BBX: variants seen among roughly 807,000 people sequenced by gnomAD.
BBX encodes the protein BBX high mobility group box domain containing, also known as HMG box transcription factor BBX.
BBX carries 30 observed loss-of-function variants against 100.2 expected under a neutral mutation model. The ratio of observed to expected loss-of-function variants is 0.30; its 90% confidence interval spans 0.22 to 0.41. The LOEUF is 0.41. BBX is among the 10% of genes least tolerant of loss of function. The probability of loss-of-function intolerance (pLI) is 1.00; values close to 1 mark genes in which losing one functional copy is unlikely to be tolerated. For missense variants in BBX, 1,023 were observed against 1,129.8 expected (o/e 0.91, Z 1.35); for synonymous variants, 376 against 388.1 (o/e 0.97, Z 0.37).
intron 3 of BBX, among the ~76,000 whole-genome samples, chr3:107,708,918 G>C (rs1006297396): frequency 6.6e-6 from 1 of 151,970 alleles, no homozygotes. Flanking sequence ...GCTGTTTATT[G>C]ATATATTTGT....
intron 8 of BBX, among the ~76,000 whole-genome samples, chr3:107,745,359 C>A (rs939409516): frequency 6.6e-6 from 1 of 152,186 alleles, no homozygotes; most frequent in African/African-American, 2.4e-5. Context: ...CCTGGTCTTT[C>A]CTTGATCATT....
At chr3:107,620,941 TG>T (rs2055705536) in intron 2 of BBX, among the ~76,000 whole-genome samples, 1 of 51,768 alleles carries the variant, frequency 1.9e-5, no homozygotes, top group African/African-American at 5.3e-5. Flanking sequence ...GGAGTGTGTG[TG>T]TGGGGGGGTG....
chr3:107,747,287 AG>A (rs1463934306), intron 8 of BBX, among the ~76,000 whole-genome samples: 1 of 152,146 alleles, frequency 6.6e-6, no homozygotes, highest in African/African-American at 2.4e-5. Context: ...CTATGAAAGA[AG>A]AAAATGCTTT....
At chr3:107,558,747 C>G (rs1224016867) in intron 2 of BBX, among the ~76,000 whole-genome samples, 1 of 152,130 alleles carries the variant, frequency 6.6e-6, no homozygotes, top group Non-Finnish European at 1.5e-5. Flanking sequence ...GCTTAAAGTT[C>G]CACAGCTAGT....
chr3:107,558,163 G>A (rs756800964), intron 2 of BBX, among the ~76,000 whole-genome samples: 1 of 152,194 alleles, frequency 6.6e-6, no homozygotes, highest in Admixed American at 6.5e-5. Context: ...GCTTTGGAGT[G>A]TGAATGGCAC....
chr3:107,647,625 T>C (rs1304954304), intron 3 of BBX, among the ~76,000 whole-genome samples: 8 of 152,184 alleles, frequency 5.3e-5, no homozygotes, highest in Non-Finnish European at 1.2e-4. Context: ...CCAGGAGTAA[T>C]TGAGGAAACA....
chr3:107,661,393 T>A (rs2058437070), intron 3 of BBX, among the ~76,000 whole-genome samples: 1 of 152,180 alleles, frequency 6.6e-6, no homozygotes, highest in African/African-American at 2.4e-5. Flanking sequence ...CAAGTCACAT[T>A]ACCTCTCTGA....
intron 7 of BBX, among the ~76,000 whole-genome samples, chr3:107,737,890 T>TG (rs2063754444): frequency 7.7e-6 from 1 of 130,416 alleles, no homozygotes; most frequent in Non-Finnish European, 1.7e-5. Flanking sequence ...TCCAGTTTTT[T>TG]TTTTTTTTTT....
At chr3:107,614,292 A>G (rs992531749) in intron 2 of BBX, among the ~76,000 whole-genome samples, 2 of 152,108 alleles carry the variant, frequency 1.3e-5, no homozygotes, top group Non-Finnish European at 2.9e-5. Flanking sequence ...ACCTCTAAAA[A>G]TTTTGTATAT....
chr3:107,733,629 C>T (rs570901397), intron 7 of BBX, among the ~76,000 whole-genome samples: 1 of 152,064 alleles, frequency 6.6e-6, no homozygotes, highest in East Asian at 1.9e-4. Context: ...GGCATGTGCC[C>T]CCAAGCCCAG....
At chr3:107,563,395 A>G (rs1427243185) in intron 2 of BBX, among the ~76,000 whole-genome samples, 1 of 152,098 alleles carries the variant, frequency 6.6e-6, no homozygotes. Flanking sequence ...CAAAGCCTGC[A>G]TTTCTTTTTA....
At chr3:107,638,778 TATAC>T (rs1159574488) in intron 2 of BBX, among the ~76,000 whole-genome samples, 29 of 21,626 alleles carry the variant, frequency 1.3e-3, no homozygotes, top group Non-Finnish European at 2.1e-3. Context: ...AAAAAAAAAG[TATAC>T]ACACACACAC....
chr3:107,624,332 GT>G (rs907230367), intron 2 of BBX, among the ~76,000 whole-genome samples: 2 of 151,396 alleles, frequency 1.3e-5, no homozygotes, highest in Non-Finnish European at 1.5e-5. Context: ...CATCAGCCTT[GT>G]TTTTTTTGTG....
At chr3:107,774,421 C>T (rs970894789) in intron 11 of BBX, among the ~76,000 whole-genome samples, 10 of 152,230 alleles carry the variant, frequency 6.6e-5, no homozygotes, top group Non-Finnish European at 1.3e-4. Flanking sequence ...GCAAAGGACT[C>T]CCATACCTTG....
chr3:107,732,885 A>G (rs563137476), intron 6 of BBX, 71 bp from the exon 7 acceptor site: 3 of 1,266,324 alleles, frequency 2.4e-6, no homozygotes, highest in African/African-American at 3.0e-5. Context: ...CTTTATGAGT[A>G]TTCTTTTTGA....
At chr3:107,596,985 T>C (rs2053708750) in intron 2 of BBX, among the ~76,000 whole-genome samples, 1 of 152,218 alleles carries the variant, frequency 6.6e-6, no homozygotes. Context: ...TTTAAACTTT[T>C]TTACTCCTGT....
intron 2 of BBX, among the ~76,000 whole-genome samples, chr3:107,575,649 A>G (rs1683482714): frequency 6.6e-6 from 1 of 150,402 alleles, no homozygotes. Context: ...TATAGTTTCC[A>G]TGGCTGAATT....
chr3:107,720,634 A>G (rs1310478881), intron 5 of BBX, among the ~76,000 whole-genome samples: 1 of 152,066 alleles, frequency 6.6e-6, no homozygotes, highest in Admixed American at 6.6e-5. Flanking sequence ...GTATGCCAAT[A>G]AAACAGCTAT....
Position 107,698,953 on chromosome 3 carries a change from G to A in BBX, c.-9-11499G>A, listed in dbSNP as rs750492175. On this transcript the variant is annotated intron_variant, in intron 3 of 17. Coordinates refer to ENST00000325805, the MANE Select transcript of BBX (RefSeq NM_001142568.3). ...GGCATGGCAAGGACGGATTAGAAAA[G>A]AAGGATGGTGAACAAGGAAAAGGAC... 4.7e-4 allele frequency among the ~76,000 whole-genome samples: 72 copies of A among 151,724 alleles called. 1 individual carries two copies. The highest frequency in any genetic ancestry group is 2.6e-4 in the Admixed American group (4 of 15,264).
Sources: gnomAD v4.1 joint callset for allele counts (sites outside exome capture counted in the v4.1 genomes callset) on GRCh38, gnomAD v4.1.1 for gene constraint, MANE v1.5 for transcripts, NCBI Gene and HGNC (gene_info 2026-07-23, HGNC 2026-07-21) for gene names.